The following TRIT1 variants were observed in gnomAD, a reference collection of about 807,000 sequenced individuals.
The protein encoded by TRIT1 is tRNA isopentenyltransferase 1, also known as tRNA dimethylallyltransferase.
In TRIT1, 43 loss-of-function variants were observed where a neutral mutation model predicts 51.2. The ratio of observed to expected loss-of-function variants is 0.84; its 90% CI spans 0.66 to 1.08. The LOEUF is 1.08. Ranked by LOEUF, TRIT1 falls within the 50% of genes least tolerant of loss-of-function variation. The probability of loss-of-function intolerance (pLI) is 0.00; values close to 1 mark genes in which losing one functional copy is unlikely to be tolerated. For missense variants in TRIT1, 528 were observed against 578.4 expected, an observed-to-expected ratio of 0.91 and a Z score of 0.89; for synonymous variants, 184 against 203.9, an observed-to-expected ratio of 0.90 and a Z score of 0.83.
intron 1 of TRIT1, among the ~76,000 whole-genome samples, chr1:39,877,587 G>GT (rs1553148047): frequency 6.6e-6 from 1 of 152,102 alleles, no homozygotes; most frequent in Non-Finnish European, 1.5e-5. Flanking sequence ...TTAGCATATA[G>GT]TTGGTAGTTT....
At chr1:39,863,860 G>A (rs537199666) in intron 1 of TRIT1, among the ~76,000 whole-genome samples, 1 of 152,000 alleles carries the variant, frequency 6.6e-6, no homozygotes, top group African/African-American at 2.4e-5. Context: ...ACTAGAAGAA[G>A]AAAACCAGCA....
chr1:39,865,827 C>A (rs1401494095), intron 1 of TRIT1, among the ~76,000 whole-genome samples: 1 of 148,042 alleles, frequency 6.8e-6, no homozygotes, highest in Non-Finnish European at 1.5e-5. Flanking sequence ...CCAGCCTGGG[C>A]AGCACAACGA....
At chr1:39,842,286 T>C (rs1641954159) in intron 10 of TRIT1, among the ~76,000 whole-genome samples, 2 of 152,236 alleles carry the variant, frequency 1.3e-5, no homozygotes, top group Non-Finnish European at 2.9e-5. Flanking sequence ...CTTAGACCTA[T>C]AGCTCCAAAA....
rs564689551 is a variant in TRIT1, at chr1:39,840,881, G to A, written c.*863C>T. 6.6e-6 allele frequency: 1 copy of A among 152,264 alleles called. No homozygotes were observed. The highest frequency in any genetic ancestry group is 1.9e-4 in the East Asian group (1 of 5,188). 9.4% of individuals were successfully genotyped at this position (152,264 alleles called of 1,614,324 possible). On this transcript the variant is annotated 3_prime_UTR_variant, in exon 11 of 11. Transcript: ENST00000316891. ...GATCTCCAATAAAAGACCCTCTCTA[G>A]ATGTCTTCAAGGACTATAACGTGTT...
Position 39,847,586 on chromosome 1 carries a change from T to C in TRIT1, c.890A>G (p.Lys297Arg), listed in dbSNP as rs757624226. ...EFHEYLITEGKCTLETSNQLL... is the reference protein window; with the variant it reads ...EFHEYLITEGRCTLETSNQLL... ...CTGGTTACTAGTCTCCAGTGTGCAT[T>C]TTCCCTCAGTGATCAGGTACTCGTG... is the stretch of plus-strand genomic sequence containing the variant. The change falls in exon 7 of 11, where the codon AAA becomes AGA. Residue 297 changes from lysine to arginine, a missense_variant. Physicochemically the swap from Lys to Arg is conservative, Grantham distance 26 (BLOSUM62 2). Around this residue, in one of 3 missense-constraint regions of TRIT1, gnomAD observed 468 missense variants for 522.6 expected, o/e 0.90. Coordinates refer to ENST00000316891, the MANE Select transcript of TRIT1 (RefSeq NM_017646.6). 6.2e-6 allele frequency: 10 copies of C among 1,614,224 alleles called. No homozygotes were observed. Among genetic ancestry groups the C allele is most frequent in the Non-Finnish European group, 2.5e-6 (3 of 1,180,032 alleles).
intron 1 of TRIT1, among the ~76,000 whole-genome samples, chr1:39,858,121 T>A (rs2124624588): frequency 6.6e-6 from 1 of 152,330 alleles, no homozygotes; most frequent in Admixed American, 6.5e-5. Flanking sequence ...CAAGAACAGA[T>A]CTGAAAATAC....
intron 10 of TRIT1, among the ~76,000 whole-genome samples, chr1:39,842,298 G>C (rs557718237): frequency 2.0e-5 from 3 of 152,310 alleles, no homozygotes; most frequent in African/African-American, 7.2e-5. Flanking sequence ...GCTCCAAAAA[G>C]AGATCCCACT....
chr1:39,853,453 G>A (rs1031020531), intron 3 of TRIT1, among the ~76,000 whole-genome samples: 2 of 151,718 alleles, frequency 1.3e-5, no homozygotes, highest in Admixed American at 1.3e-4. Context: ...CTGGAGTACA[G>A]TGGCGCAATC....
intron 1 of TRIT1, among the ~76,000 whole-genome samples, chr1:39,872,776 CACACAGAGAG>C (rs1399461413): frequency 1.6e-5 from 2 of 125,822 alleles, no homozygotes; most frequent in Non-Finnish European, 3.2e-5. Context: ...CACACACACA[CACACAGAGAG>C]AGAGAGAAAG....
Position 39,844,740 on chromosome 1 carries a change from G to A in TRIT1, c.1007-100C>T. ...CTCCAGGGAAATACACAGAGCCAAA[G>A]GAGTAAACATTCTGACCATGCTGTT... On this transcript the variant is annotated intron_variant, in intron 8 of 10. Coordinates refer to ENST00000316891, the MANE Select transcript of TRIT1 (RefSeq NM_017646.6). 3 of 788,688 alleles carry A rather than the reference G, an allele frequency of 3.8e-6. No homozygotes were observed. The South Asian group carries it at 4.5e-5, about 12-fold the overall frequency. 48.9% of individuals were successfully genotyped at this position (788,688 alleles called of 1,614,324 possible). A position where few individuals can be genotyped will look rare whatever the true frequency, so the allele number is the denominator to read the frequency against.
At chr1:39,865,763 T>C (rs1289777616) in intron 1 of TRIT1, among the ~76,000 whole-genome samples, 1 of 139,782 alleles carries the variant, frequency 7.2e-6, no homozygotes, top group African/African-American at 2.7e-5. Context: ...GATGGGAGGG[T>C]CATTTGAGCC....
At position 39,854,552 on chromosome 1, in the gene TRIT1, C is replaced by T. The variant is rs190156412; in HGVS notation, c.316-484G>A. 7.9e-5 allele frequency among the ~76,000 whole-genome samples: 12 copies of T among 152,290 alleles called. No individual in the cohort carries two copies. In the East Asian group the frequency reaches 2.3e-3, roughly 29 times the overall value. On this transcript the variant is annotated intron_variant, in intron 2 of 10. Transcript: ENST00000316891. ...CACATTTTGCCACTTGAGGCTTGACCAAATTAAGTGAGATGCACAGGTTCT... is the reference window on the plus strand; with the variant it reads ...CACATTTTGCCACTTGAGGCTTGACTAAATTAAGTGAGATGCACAGGTTCT...
chr1:39,847,933 T>C (rs1642327763), intron 6 of TRIT1, 53 bp downstream of exon 6: 1 of 1,542,014 alleles, frequency 6.5e-7, no homozygotes. Context: ...TTATGGTCTT[T>C]TGATTGTCTG....
intron 1 of TRIT1, among the ~76,000 whole-genome samples, chr1:39,879,510 C>A (rs758642262): frequency 6.6e-6 from 1 of 151,690 alleles, no homozygotes; most frequent in East Asian, 1.9e-4. Context: ...ATATTTATCA[C>A]CAGCACAGTG....
chr1:39,845,053 T>C (rs1052510360), intron 8 of TRIT1, among the ~76,000 whole-genome samples: 2 of 152,216 alleles, frequency 1.3e-5, no homozygotes, highest in Non-Finnish European at 2.9e-5. Context: ...CAGCTTTCTT[T>C]AGGAGCAGAT....
intron 4 of TRIT1, 80 bp from the exon 5 acceptor site, chr1:39,850,341 G>A: frequency 6.5e-7 from 1 of 1,544,410 alleles, no homozygotes; most frequent in South Asian, 1.2e-5. Flanking sequence ...AAAACAAGGA[G>A]AAAGGCTGTT....
chr1:39,862,674 TC>T, intron 1 of TRIT1: 1 of 611,146 alleles, frequency 1.6e-6, no homozygotes, highest in Non-Finnish European at 2.0e-6. Context: ...TCACATTTGG[TC>T]CAGAGGTTTA....
At position 39,840,826 on chromosome 1, in the gene TRIT1, C is replaced by T. The variant is rs1260460539; in HGVS notation, c.*918G>A. On this transcript the variant is annotated 3_prime_UTR_variant, in exon 11 of 11. Coordinates refer to ENST00000316891, the MANE Select transcript of TRIT1 (RefSeq NM_017646.6). ...AACATTGCTGGCAGCTCAGGTCACTCCAGAAAGAGGGCTTCAATTGGAAGT... is the reference window on the plus strand; with the variant it reads ...AACATTGCTGGCAGCTCAGGTCACTTCAGAAAGAGGGCTTCAATTGGAAGT... Among the ~76,000 whole-genome samples the T allele has an allele frequency of 6.6e-6, 1 of 152,114 alleles. No homozygotes were observed. The highest frequency in any genetic ancestry group is 1.5e-5 in the Non-Finnish European group (1 of 68,028).
chr1:39,858,166 A>C (rs16826624), intron 1 of TRIT1, among the ~76,000 whole-genome samples: 2,745 of 152,356 alleles, frequency 0.018, 62 homozygotes, highest in East Asian at 0.11. Flanking sequence ...TTTGAGATTA[A>C]ATGTTCTCTG....
Sources: allele counts gnomAD v4.1 joint callset (sites outside exome capture counted in the v4.1 genomes callset), GRCh38; gene constraint gnomAD v4.1.1; regional missense constraint gnomAD v4.1.1; transcripts MANE v1.5; gene names NCBI Gene and HGNC (gene_info 2026-07-23, HGNC 2026-07-21).